PDE4B: variants seen among roughly 807,000 people sequenced by gnomAD.
PDE4B encodes 3',5'-cyclic-AMP phosphodiesterase 4B.
Under a neutral mutation model 82.2 loss-of-function variants are expected in PDE4B, and 20 were observed. The ratio of observed to expected loss-of-function variants is 0.24; its 90% CI spans 0.17 to 0.35. The LOEUF is 0.35. Ranked by LOEUF, PDE4B falls within the 10% of genes least tolerant of loss-of-function variation. The pLI, the probability that PDE4B is intolerant of heterozygous loss-of-function variation, is 1.00. For synonymous variants in PDE4B, 320 were observed against 318.9 expected, an observed-to-expected ratio of 1.00 and a Z score of -0.04; for missense variants, 655 against 907.2, an observed-to-expected ratio of 0.72 and a Z score of 3.57.
At chr1:65,896,939 A>C (rs1483850673) in intron 1 of PDE4B, among the ~76,000 whole-genome samples, 6 of 152,096 alleles carry the variant, frequency 3.9e-5, no homozygotes, top group Admixed American at 2.6e-4. Flanking sequence ...TGTGTTTTTT[A>C]AAAGGAAGTG....
intron 3 of PDE4B, among the ~76,000 whole-genome samples, chr1:66,010,975 A>C (rs1036686196): frequency 1.3e-5 from 2 of 151,480 alleles, no homozygotes; most frequent in African/African-American, 2.4e-5. Context: ...TGGAGGAATA[A>C]GACTGATCAC....
intron 1 of PDE4B, among the ~76,000 whole-genome samples, chr1:65,819,571 G>T (rs1017346457): frequency 6.7e-6 from 1 of 149,354 alleles, no homozygotes; most frequent in African/African-American, 2.5e-5. Flanking sequence ...GCGCGATCTC[G>T]GCTCACTGCA....
At chr1:65,996,740 T>G (rs1651562804) in intron 3 of PDE4B, among the ~76,000 whole-genome samples, 1 of 152,168 alleles carries the variant, frequency 6.6e-6, no homozygotes, top group South Asian at 2.1e-4. Context: ...ATTTCAAAAT[T>G]TTTCTTTGAA....
In PDE4B at chr1:66,012,085, A is replaced by G. The variant is rs76063623; in HGVS notation, c.281+93250A>G. ...ATCTTATAACTTTTTACACAGGTCC[A>G]AGTGATGTTTTCTGAACTTGCATGC... On this transcript the variant is annotated intron_variant, in intron 3 of 16. Transcript: ENST00000341517. 5.4e-3 allele frequency among the ~76,000 whole-genome samples: 825 copies of G among 152,266 alleles called. 4 individuals are homozygous for G. The highest frequency in any genetic ancestry group is 0.019 in the African/African-American group (782 of 41,562).
At chr1:66,059,382 G>A (rs1223849283) in intron 3 of PDE4B, among the ~76,000 whole-genome samples, 2 of 152,032 alleles carry the variant, frequency 1.3e-5, no homozygotes, top group Admixed American at 6.6e-5. Flanking sequence ...ACATTTTCAG[G>A]TATCTTTTCA....
At chr1:66,136,576 G>A (rs528691944) in intron 3 of PDE4B, among the ~76,000 whole-genome samples, 3 of 151,848 alleles carry the variant, frequency 2.0e-5, no homozygotes, top group African/African-American at 7.2e-5. Context: ...TGGGCGTGGT[G>A]GCAGGTGCCT....
intron 3 of PDE4B, among the ~76,000 whole-genome samples, chr1:65,941,448 A>G (rs1360983181): frequency 6.6e-6 from 1 of 152,074 alleles, no homozygotes; most frequent in Non-Finnish European, 1.5e-5. Context: ...TGACGAGGCC[A>G]GAGCAAGAAG....
intron 3 of PDE4B, among the ~76,000 whole-genome samples, chr1:66,101,439 G>A (rs1276498535): frequency 2.6e-5 from 4 of 152,156 alleles, no homozygotes; most frequent in Non-Finnish European, 4.4e-5. Context: ...CTAGTTTACA[G>A]TCCCACAAAC....
intron 7 of PDE4B, among the ~76,000 whole-genome samples, chr1:66,294,624 T>C (rs1388678266): frequency 6.6e-6 from 1 of 152,180 alleles, no homozygotes; most frequent in Admixed American, 6.6e-5. Context: ...AAATAAGCAA[T>C]AAATCTTAAG....
At chr1:66,331,023 G>A (rs1476656101) in intron 7 of PDE4B, among the ~76,000 whole-genome samples, 1 of 152,126 alleles carries the variant, frequency 6.6e-6, no homozygotes, top group Admixed American at 6.6e-5. Flanking sequence ...GAATATTTCG[G>A]GGATAAACAA....
intron 6 of PDE4B, among the ~76,000 whole-genome samples, 196 bp from the exon 7 acceptor site, chr1:66,265,842 C>A (rs1351792606): frequency 6.6e-6 from 1 of 152,174 alleles, no homozygotes; most frequent in Non-Finnish European, 1.5e-5. Flanking sequence ...GAGGGAAATT[C>A]CAGGCCATCT....
At chr1:65,930,070 G>T (rs779839133) in intron 3 of PDE4B, among the ~76,000 whole-genome samples, 11 of 152,170 alleles carry the variant, frequency 7.2e-5, no homozygotes, top group Admixed American at 1.3e-4. Context: ...GAAGCAAGGA[G>T]AGTGAGTCTG....
chr1:65,915,583 C>A (rs1298403869), intron 2 of PDE4B, among the ~76,000 whole-genome samples: 3 of 152,132 alleles, frequency 2.0e-5, no homozygotes, highest in Non-Finnish European at 4.4e-5. Flanking sequence ...ACAACAGCAA[C>A]AAAACCTTGA....
chr1:66,341,845 T>C (rs891213666), intron 8 of PDE4B, among the ~76,000 whole-genome samples: 1 of 152,200 alleles, frequency 6.6e-6, no homozygotes, highest in African/African-American at 2.4e-5. Flanking sequence ...CACCCTAGAA[T>C]GTTTCTGCAC....
chr1:65,906,574 A>G (rs1007518378), intron 1 of PDE4B, among the ~76,000 whole-genome samples: 2 of 152,128 alleles, frequency 1.3e-5, no homozygotes, highest in African/African-American at 2.4e-5. Context: ...CACTTAGTAT[A>G]TACTGCAGGG....
At chr1:65,841,807 A>G (rs554200514) in intron 1 of PDE4B, among the ~76,000 whole-genome samples, 31 of 152,160 alleles carry the variant, frequency 2.0e-4, no homozygotes, top group African/African-American at 7.5e-4. Context: ...TAGGCAACAA[A>G]CCATCAACAT....
intron 3 of PDE4B, among the ~76,000 whole-genome samples, chr1:66,184,033 C>T (rs1249441246): frequency 6.6e-6 from 1 of 152,102 alleles, no homozygotes; most frequent in Non-Finnish European, 1.5e-5. Flanking sequence ...GCAAGATGAT[C>T]TGAGGGATGA....
intron 1 of PDE4B, among the ~76,000 whole-genome samples, chr1:65,889,882 A>T (rs1646834252): frequency 1.3e-5 from 2 of 152,118 alleles, no homozygotes; most frequent in South Asian, 4.1e-4. Flanking sequence ...TAAACAGTAA[A>T]TGTAATACAC....
chr1:65,954,616 G>A (rs1231056625), intron 3 of PDE4B, among the ~76,000 whole-genome samples: 3 of 151,922 alleles, frequency 2.0e-5, no homozygotes, highest in African/African-American at 2.4e-5. Context: ...ATATCTAGAT[G>A]CCTAGAGTTT....
Sources: allele counts gnomAD v4.1 joint callset (sites outside exome capture counted in the v4.1 genomes callset), GRCh38; gene constraint gnomAD v4.1.1; transcripts MANE v1.5; gene names NCBI Gene and HGNC (gene_info 2026-07-23, HGNC 2026-07-21).